Variants in DLGAP2 observed in about 807,000 individuals in gnomAD.
The protein encoded by DLGAP2 is DLG associated protein 2.
In DLGAP2, 26 loss-of-function variants were observed where a neutral mutation model predicts 100.3. That is an observed-to-expected ratio of 0.26 (90% CI 0.19 to 0.36). The LOEUF (loss-of-function observed/expected upper bound fraction) is 0.36. Ranked by LOEUF, DLGAP2 falls within the 10% of genes least tolerant of loss-of-function variation. The pLI is 1.00. For synonymous variants in DLGAP2, 886 were observed against 630.1 expected, an observed-to-expected ratio of 1.41 and a Z score of -6.08; for missense variants, 1,858 against 1,453.2, an observed-to-expected ratio of 1.28 and a Z score of -4.53.
In DLGAP2 at chr8:1,593,731, C is replaced by T. The variant is rs532951388; in HGVS notation, c.1442+27837C>T. 3.1e-4 allele frequency among the ~76,000 whole-genome samples: 47 copies of T among 152,140 alleles called. 1 individual carries two copies. Among genetic ancestry groups the T allele is most frequent in the Non-Finnish European group, 5.3e-4 (36 of 68,022 alleles). ...TGGCCTCTGACCTGCAAGCATTGGGCCTGCTGGAGTCTGGCCCACTCTGGT... is the reference window on the plus strand; with the variant it reads ...TGGCCTCTGACCTGCAAGCATTGGGTCTGCTGGAGTCTGGCCCACTCTGGT... On this transcript the variant is annotated intron_variant, in intron 6 of 14. Transcript: ENST00000637795.
At chr8:1,301,376 C>G (rs768406705) in intron 3 of DLGAP2, 73 of 152,204 alleles carry the variant, frequency 4.8e-4, no homozygotes, top group Non-Finnish European at 1.0e-3. Context: ...AAGCTCATCT[C>G]TGCTGCAAGT....
intron 2 of DLGAP2, among the ~76,000 whole-genome samples, chr8:1,058,394 A>G (rs1802947238): frequency 6.6e-6 from 1 of 152,212 alleles, no homozygotes; most frequent in Non-Finnish European, 1.5e-5. Context: ...CTCTGCTGTG[A>G]GATGCGGTGT....
At chr8:1,527,227 A>T (rs1800825339) in intron 4 of DLGAP2, among the ~76,000 whole-genome samples, 1 of 152,198 alleles carries the variant, frequency 6.6e-6, no homozygotes, top group Non-Finnish European at 1.5e-5. Context: ...CACAAACAAA[A>T]TGTCCCACCC....
chr8:1,492,850 C>T (rs1171234584), intron 3 of DLGAP2, among the ~76,000 whole-genome samples: 4 of 152,124 alleles, frequency 2.6e-5, no homozygotes, highest in African/African-American at 9.7e-5. Context: ...GACAGTAGGC[C>T]GGAGAAAAAC....
chr8:949,652 C>T (rs888252880), intron 2 of DLGAP2, among the ~76,000 whole-genome samples: 3 of 152,334 alleles, frequency 2.0e-5, no homozygotes, highest in Admixed American at 2.0e-4. Context: ...TCTGGCAGGT[C>T]CTCTTTCTCC....
chr8:839,827 G>A (rs1351999467), intron 1 of DLGAP2, among the ~76,000 whole-genome samples: 2 of 152,194 alleles, frequency 1.3e-5, no homozygotes, highest in Admixed American at 6.5e-5. Flanking sequence ...CCACTGAGAT[G>A]CCTTTTAGGT....
intron 2 of DLGAP2, among the ~76,000 whole-genome samples, chr8:1,060,538 G>A (rs1803049750): frequency 6.6e-6 from 1 of 152,154 alleles, no homozygotes; most frequent in Admixed American, 6.5e-5. Context: ...TTCTTAAAAG[G>A]ATGCCTGTCA....
At chr8:1,357,281 G>T (rs1349693083) in intron 3 of DLGAP2, among the ~76,000 whole-genome samples, 1 of 152,044 alleles carries the variant, frequency 6.6e-6, no homozygotes, top group Non-Finnish European at 1.5e-5. Context: ...GTCCTTCAGG[G>T]CAGTGCTTCT....
At chr8:1,525,188 TGTC>T (rs1412902312) in intron 4 of DLGAP2, among the ~76,000 whole-genome samples, 3 of 133,740 alleles carry the variant, frequency 2.2e-5, no homozygotes, top group Non-Finnish European at 4.6e-5. Context: ...AGGACTCTGA[TGTC>T]TTTTTTTTTT....
intron 2 of DLGAP2, among the ~76,000 whole-genome samples, chr8:946,524 A>C (rs562160212): frequency 5.3e-5 from 8 of 152,006 alleles, no homozygotes; most frequent in African/African-American, 1.9e-4. Flanking sequence ...TGGCCTCCCA[A>C]AGTGCTGGGA....
intron 2 of DLGAP2, among the ~76,000 whole-genome samples, chr8:1,111,595 C>T (rs1294472268): frequency 6.6e-6 from 1 of 152,080 alleles, no homozygotes; most frequent in Non-Finnish European, 1.5e-5. Context: ...TGTGTTCTTC[C>T]CCTCTGTGTG....
chr8:1,495,096 C>T (rs1047969670), intron 3 of DLGAP2, among the ~76,000 whole-genome samples: 2 of 152,336 alleles, frequency 1.3e-5, no homozygotes, highest in African/African-American at 2.4e-5. Context: ...CAGCCCCTGG[C>T]GGTCTTGGTG....
intron 2 of DLGAP2, among the ~76,000 whole-genome samples, chr8:1,180,236 G>C (rs181435161): frequency 1.6e-4 from 24 of 152,312 alleles, no homozygotes; most frequent in African/African-American, 4.3e-4. Flanking sequence ...GAAGTGCCCA[G>C]ATTCTAGCTA....
chr8:1,411,471 C>G (rs1214042459), intron 3 of DLGAP2, among the ~76,000 whole-genome samples: 5 of 152,218 alleles, frequency 3.3e-5, no homozygotes, highest in African/African-American at 1.2e-4. Flanking sequence ...GAAGATATAA[C>G]TCCATCCTGC....
chr8:874,038 A>G (rs899935792), intron 1 of DLGAP2, among the ~76,000 whole-genome samples: 2 of 152,030 alleles, frequency 1.3e-5, no homozygotes, highest in Admixed American at 6.5e-5. Context: ...CTTGTTATTT[A>G]TGTAAGGTCT....
At chr8:837,152 C>T (rs934907275) in intron 1 of DLGAP2, among the ~76,000 whole-genome samples, 1 of 152,228 alleles carries the variant, frequency 6.6e-6, no homozygotes. Flanking sequence ...GCAGCGCCTT[C>T]CTCCTGGCGG....
At chr8:799,552 T>C (rs893452035) in intron 1 of DLGAP2, among the ~76,000 whole-genome samples, 2 of 152,208 alleles carry the variant, frequency 1.3e-5, no homozygotes, top group Admixed American at 6.5e-5. Context: ...CAATGCATAT[T>C]CTGCAAAAAT....
intron 3 of DLGAP2, among the ~76,000 whole-genome samples, chr8:1,459,684 C>CTTT (rs3052056): frequency 0.017 from 2,054 of 120,776 alleles, 84 homozygotes; most frequent in African/African-American, 0.028. Flanking sequence ...CTGTTGTTTT[C>CTTT]TTTTTTTTTT....
chr8:1,124,969 C>T (rs1796132295), intron 2 of DLGAP2, among the ~76,000 whole-genome samples: 1 of 152,164 alleles, frequency 6.6e-6, no homozygotes, highest in Non-Finnish European at 1.5e-5. Context: ...CTGTCCAGCA[C>T]CTGCTCTGCC....
Sources: allele counts gnomAD v4.1 joint callset (sites outside exome capture counted in the v4.1 genomes callset), GRCh38; gene constraint gnomAD v4.1.1; transcripts MANE v1.5; gene names NCBI Gene and HGNC (gene_info 2026-07-23, HGNC 2026-07-21).